The following C8orf34 variants were observed in gnomAD, a reference collection of about 807,000 sequenced individuals.
The protein encoded by C8orf34 is chromosome 8 open reading frame 34.
A neutral mutation model predicts 68.3 loss-of-function variants in C8orf34; 65 were observed. The observed-to-expected ratio is 0.95, with a 90% CI of 0.78 to 1.17. The LOEUF is 1.17. Among genes scored for constraint, C8orf34 ranks in the 50% most tolerant of loss-of-function variants. The pLI is 0.00. For missense variants in C8orf34, 664 were observed against 655.4 expected (o/e 1.01, Z -0.14); for synonymous variants, 244 against 241.2 (o/e 1.01, Z -0.11).
At chr8:68,479,908 G>T (rs922282349) in intron 4 of C8orf34, among the ~76,000 whole-genome samples, 1 of 152,154 alleles carries the variant, frequency 6.6e-6, no homozygotes, top group Non-Finnish European at 1.5e-5. Context: ...CTAACCTGTG[G>T]CTTGTTTTTG....
intron 8 of C8orf34, among the ~76,000 whole-genome samples, chr8:68,707,655 A>C (rs564496014): frequency 1.3e-5 from 2 of 152,140 alleles, no homozygotes; most frequent in Non-Finnish European, 2.9e-5. Context: ...GGCTCACTGC[A>C]GACTCAAACT....
At chr8:68,642,755 T>C (rs1188503040) in intron 8 of C8orf34, among the ~76,000 whole-genome samples, 1 of 152,224 alleles carries the variant, frequency 6.6e-6, no homozygotes, top group Non-Finnish European at 1.5e-5. Flanking sequence ...GGCTGTGTGT[T>C]AGATCAGCAG....
chr8:68,425,281 A>G (rs755353554), intron 1 of C8orf34, among the ~76,000 whole-genome samples: 4 of 152,218 alleles, frequency 2.6e-5, no homozygotes, highest in Non-Finnish European at 5.9e-5. Context: ...AGTTCTTGCC[A>G]TTATAGTAAG....
At chr8:68,606,586 G>A (rs1046745097) in intron 7 of C8orf34, among the ~76,000 whole-genome samples, 3 of 152,050 alleles carry the variant, frequency 2.0e-5, no homozygotes, top group Non-Finnish European at 2.9e-5. Context: ...GTTGGTATTA[G>A]GTTTGGATCT....
intron 7 of C8orf34, chr8:68,625,348 CTTT>C (rs1161107947): frequency 9.2e-6 from 4 of 433,870 alleles, no homozygotes; most frequent in Admixed American, 4.2e-5. Flanking sequence ...CAAATACTCA[CTTT>C]TAGGAAATTC....
chr8:68,431,027 T>C (rs1387602369), intron 1 of C8orf34, among the ~76,000 whole-genome samples: 1 of 152,148 alleles, frequency 6.6e-6, no homozygotes. Flanking sequence ...GATGATAAAA[T>C]GGAGGCTCAG....
At chr8:68,443,201 A>G (rs185643647) in intron 2 of C8orf34, among the ~76,000 whole-genome samples, 1 of 152,256 alleles carries the variant, frequency 6.6e-6, no homozygotes, top group Non-Finnish European at 1.5e-5. Context: ...TGAGGATGGA[A>G]GAGTGTTTAT....
chr8:68,713,109 A>C, intron 9 of C8orf34, among the ~76,000 whole-genome samples: 1 of 152,310 alleles, frequency 6.6e-6, no homozygotes, highest in South Asian at 2.1e-4. Context: ...GAAATTAAAA[A>C]GTTCTTTGAA....
Position 68,635,972 on chromosome 8 carries a change from G to T in C8orf34, c.1106-4404G>T, listed in dbSNP as rs1161171649. Among the ~76,000 whole-genome samples, 4 of 152,278 alleles carry T rather than the reference G, an allele frequency of 2.6e-5. No homozygotes were observed. The East Asian group carries it at 7.7e-4, about 29-fold the overall frequency. Reference sequence around the variant, plus strand: ...TTATTCAGAGCTGGTTATAGAACGGGAGTTAGCCACTATCACTTGCATTTA... The same window carrying T: ...TTATTCAGAGCTGGTTATAGAACGGTAGTTAGCCACTATCACTTGCATTTA... On this transcript the variant is annotated intron_variant, in intron 7 of 13. Transcript: ENST00000518698.
chr8:68,812,576 T>A (rs887997015), intron 12 of C8orf34, among the ~76,000 whole-genome samples: 17 of 152,146 alleles, frequency 1.1e-4, no homozygotes, highest in African/African-American at 3.1e-4. Context: ...GGCTTTATAG[T>A]TTATACATCA....
chr8:68,479,267 G>A (rs1199228272), intron 4 of C8orf34, among the ~76,000 whole-genome samples: 2 of 152,036 alleles, frequency 1.3e-5, no homozygotes, highest in East Asian at 1.9e-4. Context: ...GGAGGAGTAC[G>A]TCCTGCAAAA....
At chr8:68,556,089 T>G (rs1362773650) in intron 7 of C8orf34, among the ~76,000 whole-genome samples, 1 of 152,088 alleles carries the variant, frequency 6.6e-6, no homozygotes, top group African/African-American at 2.4e-5. Context: ...GTACATGAAA[T>G]ACATCCAAAT....
At chr8:68,798,815 T>C (rs1218329255) in intron 12 of C8orf34, among the ~76,000 whole-genome samples, 1 of 152,218 alleles carries the variant, frequency 6.6e-6, no homozygotes, top group Non-Finnish European at 1.5e-5. Flanking sequence ...AAAGGTCCAA[T>C]TGATTCCTAA....
chr8:68,441,495 T>G (rs1029151602), intron 2 of C8orf34, among the ~76,000 whole-genome samples: 6 of 152,150 alleles, frequency 3.9e-5, no homozygotes, highest in African/African-American at 1.4e-4. Flanking sequence ...TCCTTCTTCC[T>G]TCTTTCTTCT....
chr8:68,753,435 A>T (rs1304749594), intron 10 of C8orf34, among the ~76,000 whole-genome samples: 1 of 152,236 alleles, frequency 6.6e-6, no homozygotes, highest in Non-Finnish European at 1.5e-5. Context: ...TAAGATGAAA[A>T]CCATTAAGTA....
rs540390099 is a variant in C8orf34 at position 68,563,257 on chromosome 8, A to G, written c.1105+30108A>G. Reference sequence around the variant, plus strand: ...GATTTCTTATTCAAAGTAAGGATGTATGCAAAGATACATGAAGCGTGTCCT... The same window carrying G: ...GATTTCTTATTCAAAGTAAGGATGTGTGCAAAGATACATGAAGCGTGTCCT... On this transcript the variant is annotated intron_variant, in intron 7 of 13. Coordinates refer to ENST00000518698, the MANE Select transcript of C8orf34 (RefSeq NM_052958.4). Among the ~76,000 whole-genome samples the G allele has an allele frequency of 2.1e-4, 32 of 152,330 alleles. No homozygotes were observed. The East Asian group carries it at 4.1e-3, about 19-fold the overall frequency.
At chr8:68,420,568 A>G (rs369346296) in intron 1 of C8orf34, among the ~76,000 whole-genome samples, 4 of 152,024 alleles carry the variant, frequency 2.6e-5, no homozygotes, top group African/African-American at 9.7e-5. Flanking sequence ...ACCAGGTACA[A>G]CATCAAGAGA....
At chr8:68,426,130 T>C (rs911137171) in intron 1 of C8orf34, among the ~76,000 whole-genome samples, 4 of 152,204 alleles carry the variant, frequency 2.6e-5, no homozygotes, top group African/African-American at 9.6e-5. Context: ...TTCATATCTC[T>C]TGTATATGCT....
chr8:68,463,009 T>G (rs1452958822), intron 3 of C8orf34, among the ~76,000 whole-genome samples: 1 of 152,014 alleles, frequency 6.6e-6, no homozygotes, highest in East Asian at 1.9e-4. Context: ...AGGAGCTGGT[T>G]TTTTGAAGGA....
Sources: gnomAD v4.1 joint callset for allele counts (sites outside exome capture counted in the v4.1 genomes callset) on GRCh38, gnomAD v4.1.1 for gene constraint, MANE v1.5 for transcripts, NCBI Gene and HGNC (gene_info 2026-07-23, HGNC 2026-07-21) for gene names.